BRD10: variants seen among roughly 807,000 people sequenced by gnomAD.
BRD10 encodes bromodomain containing 10, also known as uncharacterized bromodomain-containing protein 10.
At chr9:5,923,087 T>A in the BRD10 span, 3 of 1,613,902 alleles carry the variant, frequency 1.9e-6, no homozygotes, top group African/African-American at 4.0e-5. Flanking sequence ...ACAGTCAATC[T>A]GCACATCACT....
chr9:6,008,293 C>T, the BRD10 span: 2 of 984,912 alleles, frequency 2.0e-6, no homozygotes, highest in Non-Finnish European at 2.4e-6. Context: ...GCGGGGGACA[C>T]GGGCAGAAGG....
chr9:5,992,923 T>C, the BRD10 span, among the ~76,000 whole-genome samples: 1 of 38,596 alleles, frequency 2.6e-5, no homozygotes, highest in Non-Finnish European at 5.5e-4. Flanking sequence ...TTTTGCATTA[T>C]GTGATTTTTC....
At chr9:5,934,998 A>C in the BRD10 span, among the ~76,000 whole-genome samples, 1 of 152,158 alleles carries the variant, frequency 6.6e-6, no homozygotes, top group African/African-American at 2.4e-5. Flanking sequence ...CTACCACCAT[A>C]CTAACATATT....
At chr9:5,964,541 C>T in the BRD10 span, among the ~76,000 whole-genome samples, 1 of 130,152 alleles carries the variant, frequency 7.7e-6, no homozygotes, top group African/African-American at 2.9e-5. Flanking sequence ...TTTGACCCAG[C>T]CATCCCATTA....
the BRD10 span, among the ~76,000 whole-genome samples, chr9:5,956,156 T>C: frequency 6.6e-6 from 1 of 152,136 alleles, no homozygotes; most frequent in East Asian, 1.9e-4. Flanking sequence ...TTTGTATTCA[T>C]TTATAAGCAC....
At chr9:5,957,816 G>A in the BRD10 span, among the ~76,000 whole-genome samples, 2 of 151,858 alleles carry the variant, frequency 1.3e-5, no homozygotes, top group East Asian at 3.9e-4. Context: ...TTTAAAAATC[G>A]AGCATGAGAT....
chr9:5,904,742 G>A, the BRD10 span, among the ~76,000 whole-genome samples: 2 of 150,992 alleles, frequency 1.3e-5, no homozygotes, highest in African/African-American at 4.9e-5. Flanking sequence ...TAGGATTACA[G>A]GCGTGAGCCA....
chr9:5,928,003 A>G, the BRD10 span, among the ~76,000 whole-genome samples: 10 of 152,216 alleles, frequency 6.6e-5, no homozygotes, highest in African/African-American at 2.2e-4. Flanking sequence ...TCTAAAGAGC[A>G]TATCAAAGTT....
the BRD10 span, among the ~76,000 whole-genome samples, chr9:5,934,424 T>A: frequency 6.7e-6 from 1 of 149,738 alleles, no homozygotes; most frequent in African/African-American, 2.5e-5. Flanking sequence ...AGAGGTACGA[T>A]GTCGGCTCAT....
the BRD10 span, among the ~76,000 whole-genome samples, chr9:5,927,115 G>GT: frequency 1.3e-5 from 2 of 152,104 alleles, no homozygotes; most frequent in Non-Finnish European, 2.9e-5. Context: ...TGTGGGGATA[G>GT]TATAAAGTTC....
the BRD10 span, among the ~76,000 whole-genome samples, chr9:5,940,607 C>T: frequency 3.4e-4 from 52 of 152,280 alleles, no homozygotes; most frequent in South Asian, 1.5e-3. Context: ...TTAGTCACCT[C>T]GCTACTGCTG....
chr9:5,941,058 T>G, the BRD10 span, among the ~76,000 whole-genome samples: 2 of 152,066 alleles, frequency 1.3e-5, no homozygotes, highest in Admixed American at 6.6e-5. Flanking sequence ...GAAACTTCTT[T>G]GAAAATCAGA....
the BRD10 span, among the ~76,000 whole-genome samples, chr9:5,912,702 C>T: frequency 6.6e-6 from 1 of 152,140 alleles, no homozygotes; most frequent in Non-Finnish European, 1.5e-5. Flanking sequence ...GAAAATGAGC[C>T]TCACCCATAA....
the BRD10 span, chr9:5,897,472 A>T: frequency 7.8e-7 from 1 of 1,280,816 alleles, no homozygotes. Context: ...CAAAGTCCAT[A>T]TGAAGAGGAA....
the BRD10 span, among the ~76,000 whole-genome samples, chr9:5,993,998 C>T: frequency 3.3e-5 from 5 of 152,048 alleles, no homozygotes; most frequent in African/African-American, 1.2e-4. Context: ...CTTCTGTCTA[C>T]ATTTATGTAT....
the BRD10 span, among the ~76,000 whole-genome samples, chr9:5,978,393 A>T: frequency 7.6e-6 from 1 of 131,110 alleles, no homozygotes; most frequent in Non-Finnish European, 1.6e-5. Context: ...GCAATTTAGT[A>T]AAAAAAAAAA....
chr9:5,955,100 A>T, the BRD10 span, among the ~76,000 whole-genome samples: 2 of 152,126 alleles, frequency 1.3e-5, no homozygotes, highest in African/African-American at 4.8e-5. Context: ...AAAAAAAATA[A>T]TAATAAAATA....
the BRD10 span, among the ~76,000 whole-genome samples, chr9:5,953,078 C>G: frequency 3.9e-5 from 6 of 152,198 alleles, no homozygotes; most frequent in African/African-American, 1.4e-4. Context: ...AAAACACTCT[C>G]CAAAATAGAA....
At chr9:5,991,290 T>A in the BRD10 span, among the ~76,000 whole-genome samples, 1 of 152,158 alleles carries the variant, frequency 6.6e-6, no homozygotes, top group African/African-American at 2.4e-5. Flanking sequence ...TATCTGTACA[T>A]GCATCTAGTA....
Sources: allele counts gnomAD v4.1 joint callset (sites outside exome capture counted in the v4.1 genomes callset), GRCh38; gene constraint gnomAD v4.1.1; transcripts MANE v1.5; gene names NCBI Gene and HGNC (gene_info 2026-07-23, HGNC 2026-07-21).